CTNNA3: variants seen among roughly 807,000 people sequenced by gnomAD.
CTNNA3 encodes the protein catenin alpha-3.
CTNNA3 carries 76 observed loss-of-function variants against 95.7 expected under a neutral mutation model. The ratio of observed to expected loss-of-function variants is 0.79; its 90% CI spans 0.66 to 0.96. The LOEUF (loss-of-function observed/expected upper bound fraction) is 0.96. Ranked by LOEUF, CTNNA3 falls within the 40% of genes least tolerant of loss-of-function variation. CTNNA3 has a pLI of 0.00. For missense variants in CTNNA3, 1,191 were observed against 1,089.8 expected, an observed-to-expected ratio of 1.09 and a Z score of -1.31; for synonymous variants, 431 against 374.4, an observed-to-expected ratio of 1.15 and a Z score of -1.74.
At chr10:67,210,103 C>A (rs889888061) in intron 6 of CTNNA3, among the ~76,000 whole-genome samples, 1 of 151,990 alleles carries the variant, frequency 6.6e-6, no homozygotes, top group East Asian at 1.9e-4. Flanking sequence ...GTCGGGAGAT[C>A]GACACCATCC....
At chr10:66,266,144 G>T (rs1046762152) in intron 13 of CTNNA3, among the ~76,000 whole-genome samples, 3 of 150,988 alleles carry the variant, frequency 2.0e-5, no homozygotes, top group Non-Finnish European at 4.4e-5. Context: ...AGGAAGGAAA[G>T]AAGGAAGGAA....
At chr10:65,925,355 C>T (rs1232141536) in intron 17 of CTNNA3, among the ~76,000 whole-genome samples, 1 of 152,170 alleles carries the variant, frequency 6.6e-6, no homozygotes, top group Non-Finnish European at 1.5e-5. Context: ...TTATCCATTT[C>T]TATTAAAATG....
intron 9 of CTNNA3, among the ~76,000 whole-genome samples, chr10:66,678,528 T>TTA (rs1846947048): frequency 6.6e-6 from 1 of 152,158 alleles, no homozygotes; most frequent in African/African-American, 2.4e-5. Context: ...TATAAGTATG[T>TTA]TATATGAAGA....
At chr10:66,103,102 G>A in intron 14 of CTNNA3, 55 bp downstream of exon 14, 3 of 1,417,652 alleles carry the variant, frequency 2.1e-6, no homozygotes, top group East Asian at 2.3e-5. Context: ...ACAAAGGGAG[G>A]GCACAGCCTT....
chr10:67,271,789 G>A (rs77964482), intron 5 of CTNNA3, among the ~76,000 whole-genome samples: 77 of 152,280 alleles, frequency 5.1e-4, no homozygotes, highest in African/African-American at 1.7e-3. Flanking sequence ...TGTCCATAAG[G>A]TTGAAGAGTT....
chr10:66,111,192 A>T (rs982764666), intron 13 of CTNNA3, among the ~76,000 whole-genome samples: 1 of 151,972 alleles, frequency 6.6e-6, no homozygotes, highest in African/African-American at 2.4e-5. Flanking sequence ...TTTCCATGAG[A>T]TCTATTTAAA....
chr10:65,925,599 G>C (rs1439986593), intron 17 of CTNNA3, among the ~76,000 whole-genome samples: 1 of 152,052 alleles, frequency 6.6e-6, no homozygotes, highest in Non-Finnish European at 1.5e-5. Flanking sequence ...ACCATGCCTG[G>C]CTAATTTTTC....
intron 9 of CTNNA3, among the ~76,000 whole-genome samples, chr10:66,642,391 A>G (rs555137191): frequency 2.2e-4 from 33 of 152,084 alleles, no homozygotes; most frequent in African/African-American, 7.5e-4. Context: ...TTCACAGAAA[A>G]TCAGCAGGTC....
intron 12 of CTNNA3, among the ~76,000 whole-genome samples, chr10:66,356,435 C>T (rs1184838034): frequency 2.6e-5 from 4 of 151,834 alleles, no homozygotes; most frequent in South Asian, 2.1e-4. Context: ...TTTATACTTA[C>T]GTATATCAAT....
In CTNNA3 at chr10:66,381,517, TATA is replaced by T. The variant is rs200518800; in HGVS notation, c.1532-2168_1532-2166del. On this transcript the variant is annotated intron_variant, in intron 11 of 17. Transcript: ENST00000433211. ...TCGAGGTATTCTAAGTAGTACTTGT[TATA>T]ATACTTGGCACTTGTTAGGCTAACA... Among the ~76,000 whole-genome samples the T allele has an allele frequency of 5.4e-3, 817 of 152,282 alleles. 8 individuals are homozygous for T. Among genetic ancestry groups the T allele is most frequent in the African/African-American group, 0.014 (572 of 41,570 alleles).
chr10:67,644,762 TTAA>T (rs528086432), intron 2 of CTNNA3, among the ~76,000 whole-genome samples: 87 of 151,972 alleles, frequency 5.7e-4, no homozygotes, highest in African/African-American at 1.8e-3. Flanking sequence ...ATATAAATTA[TTAA>T]TATTTTAATT....
At chr10:67,315,934 A>T (rs1220572600) in intron 5 of CTNNA3, among the ~76,000 whole-genome samples, 1 of 152,144 alleles carries the variant, frequency 6.6e-6, no homozygotes, top group African/African-American at 2.4e-5. Context: ...CCATCACTAC[A>T]TTAGAATAGA....
At chr10:67,746,020 A>G (rs954176721) in intron 1 of CTNNA3, among the ~76,000 whole-genome samples, 14 of 152,246 alleles carry the variant, frequency 9.2e-5, no homozygotes, top group African/African-American at 3.1e-4. Context: ...TACAGATTCA[A>G]TGCAACCACT....
At chr10:67,558,453 G>A (rs1270771027) in intron 3 of CTNNA3, among the ~76,000 whole-genome samples, 2 of 152,192 alleles carry the variant, frequency 1.3e-5, no homozygotes, top group African/African-American at 2.4e-5. Flanking sequence ...TCTTGCCATT[G>A]ATATATGTCA....
chr10:67,374,387 G>T (rs1478819378), intron 5 of CTNNA3, among the ~76,000 whole-genome samples: 3 of 150,882 alleles, frequency 2.0e-5, no homozygotes, highest in African/African-American at 7.3e-5. Context: ...ACCTTGAAAG[G>T]TATGTAAGAT....
chr10:65,928,729 G>A (rs1482147674), intron 17 of CTNNA3, among the ~76,000 whole-genome samples: 4 of 152,096 alleles, frequency 2.6e-5, no homozygotes, highest in African/African-American at 9.7e-5. Flanking sequence ...CTACCAGGAG[G>A]TTTCTGGCCT....
At chr10:66,703,293 C>A in intron 9 of CTNNA3, among the ~76,000 whole-genome samples, 1 of 152,152 alleles carries the variant, frequency 6.6e-6, no homozygotes, top group East Asian at 1.9e-4. Flanking sequence ...CTTCTAGAAA[C>A]CTTCCACACC....
At chr10:66,360,674 C>CCTTTTCTTTCTTT (rs1491054021) in intron 12 of CTNNA3, among the ~76,000 whole-genome samples, 5 of 75,748 alleles carry the variant, frequency 6.6e-5, no homozygotes, top group African/African-American at 2.0e-4. Context: ...TTCCTTCCTT[C>CCTTTTCTTTCTTT]CTTCCTTCCT....
intron 7 of CTNNA3, among the ~76,000 whole-genome samples, chr10:67,083,623 C>A (rs1256847578): frequency 6.6e-6 from 1 of 152,146 alleles, no homozygotes; most frequent in Non-Finnish European, 1.5e-5. Context: ...ACAGTGATAG[C>A]AGTTTCACAA....
Sources: allele counts gnomAD v4.1 joint callset (sites outside exome capture counted in the v4.1 genomes callset), GRCh38; gene constraint gnomAD v4.1.1; transcripts MANE v1.5; gene names NCBI Gene and HGNC (gene_info 2026-07-23, HGNC 2026-07-21).